The following GPR158 variants were observed in gnomAD, a reference collection of about 807,000 sequenced individuals.
GPR158 encodes metabotropic glycine receptor.
GPR158 carries 30 observed loss-of-function variants against 78.2 expected under a neutral mutation model. That is an observed-to-expected ratio of 0.38 (90% CI 0.29 to 0.52). The LOEUF is 0.52. GPR158 is among the 20% of genes least tolerant of loss of function. GPR158 has a pLI of 0.83. For synonymous variants in GPR158, 581 were observed against 591.1 expected, an observed-to-expected ratio of 0.98 and a Z score of 0.25; for missense variants, 1,463 against 1,523.5, an observed-to-expected ratio of 0.96 and a Z score of 0.66.
intron 7 of GPR158, among the ~76,000 whole-genome samples, chr10:25,583,097 T>G (rs1004550648): frequency 6.6e-6 from 1 of 152,006 alleles, no homozygotes; most frequent in Non-Finnish European, 1.5e-5. Context: ...AGAACGGAGG[T>G]TCTCTGCAGA....
chr10:25,330,577 G>A (rs1194096652), intron 2 of GPR158, among the ~76,000 whole-genome samples: 2 of 152,156 alleles, frequency 1.3e-5, no homozygotes, highest in African/African-American at 4.8e-5. Flanking sequence ...ATGTTTAGAG[G>A]TTATATCTTG....
At chr10:25,367,304 AT>A (rs1004088954) in intron 2 of GPR158, among the ~76,000 whole-genome samples, 1 of 150,770 alleles carries the variant, frequency 6.6e-6, no homozygotes, top group Non-Finnish European at 1.5e-5. Flanking sequence ...GGGTACATGG[AT>A]TTTTTTTTCT....
intron 6 of GPR158, among the ~76,000 whole-genome samples, chr10:25,564,035 GGTTT>G (rs1209633085): frequency 6.6e-6 from 1 of 151,946 alleles, no homozygotes; most frequent in Non-Finnish European, 1.5e-5. Context: ...TTTCCAGGCT[GGTTT>G]GTTAAGTGAC....
chr10:25,285,456 G>A (rs1191286605), intron 2 of GPR158, among the ~76,000 whole-genome samples: 2 of 152,104 alleles, frequency 1.3e-5, no homozygotes, highest in Non-Finnish European at 2.9e-5. Flanking sequence ...AAATTTGAAG[G>A]CCTCAGAACC....
intron 3 of GPR158, among the ~76,000 whole-genome samples, chr10:25,404,515 C>A (rs1834487074): frequency 6.6e-6 from 1 of 152,040 alleles, no homozygotes. Flanking sequence ...ATTCAGTTTT[C>A]AACCTTATGT....
intron 5 of GPR158, among the ~76,000 whole-genome samples, chr10:25,503,536 CT>C (rs1052737465): frequency 6.6e-6 from 1 of 152,060 alleles, no homozygotes; most frequent in Non-Finnish European, 1.5e-5. Flanking sequence ...GAATTTAGCT[CT>C]CTTACTAAAG....
chr10:25,230,039 C>G lies in GPR158; in HGVS notation c.1008+8882C>G, dbSNP rs1288253041. ...GCTTTATGTGGGGCTTTGTGCTTGCCAGAATGTTCATCTATTCTTTGAATA... is the reference window on the plus strand; with the variant it reads ...GCTTTATGTGGGGCTTTGTGCTTGCGAGAATGTTCATCTATTCTTTGAATA... On this transcript the variant is annotated intron_variant, in intron 2 of 10. Coordinates refer to ENST00000376351, the MANE Select transcript of GPR158 (RefSeq NM_020752.3). Among the ~76,000 whole-genome samples the G allele has an allele frequency of 2.0e-5, 3 of 152,094 alleles. No individual in the cohort carries two copies. In the South Asian group the frequency reaches 6.2e-4, roughly 32 times the overall value.
intron 4 of GPR158, among the ~76,000 whole-genome samples, chr10:25,439,403 C>A (rs113785196): frequency 6.6e-6 from 1 of 152,116 alleles, no homozygotes; most frequent in Non-Finnish European, 1.5e-5. Flanking sequence ...TCCCACAATA[C>A]GTGGGAATTA....
At chr10:25,543,245 C>G (rs114142252) in intron 5 of GPR158, among the ~76,000 whole-genome samples, 3,215 of 152,180 alleles carry the variant, frequency 0.021, 48 homozygotes, top group African/African-American at 0.038. Context: ...CTCAGTCCCC[C>G]AAGTAGCTGG....
At chr10:25,566,085 C>T (rs1836925532) in intron 6 of GPR158, among the ~76,000 whole-genome samples, 1 of 152,082 alleles carries the variant, frequency 6.6e-6, no homozygotes, top group South Asian at 2.1e-4. Flanking sequence ...TATAACCCTG[C>T]AGTGGCATGG....
At chr10:25,472,806 T>C (rs1344560105) in intron 5 of GPR158, among the ~76,000 whole-genome samples, 1 of 152,232 alleles carries the variant, frequency 6.6e-6, no homozygotes, top group Non-Finnish European at 1.5e-5. Flanking sequence ...ATTGATTTTG[T>C]ATCCTGAGAC....
chr10:25,591,598 G>T (rs1412316019), intron 8 of GPR158, among the ~76,000 whole-genome samples: 2 of 152,094 alleles, frequency 1.3e-5, no homozygotes, highest in East Asian at 3.8e-4. Context: ...ACAACTGTGT[G>T]GACCTCTATT....
intron 7 of GPR158, among the ~76,000 whole-genome samples, chr10:25,584,450 C>A (rs10508701): frequency 6.6e-6 from 1 of 152,052 alleles, no homozygotes; most frequent in Non-Finnish European, 1.5e-5. Context: ...AATGTTCAAC[C>A]GAGCTGTTAT....
chr10:25,351,949 G>A (rs1855479343), intron 2 of GPR158, among the ~76,000 whole-genome samples: 1 of 151,756 alleles, frequency 6.6e-6, no homozygotes, highest in African/African-American at 2.4e-5. Context: ...CCTCCTGTGT[G>A]TCCATGTGTT....
At chr10:25,254,574 AAGT>A (rs559912382) in intron 2 of GPR158, among the ~76,000 whole-genome samples, 136 of 152,320 alleles carry the variant, frequency 8.9e-4, no homozygotes, top group African/African-American at 3.1e-3. Flanking sequence ...GTTATGAAAT[AAGT>A]AGTAGTGAAA....
chr10:25,280,968 C>CT (rs918749641), intron 2 of GPR158, among the ~76,000 whole-genome samples: 1 of 151,594 alleles, frequency 6.6e-6, no homozygotes, highest in African/African-American at 2.4e-5. Flanking sequence ...AATCCCCTCT[C>CT]TACTAAAAAT....
chr10:25,524,310 C>T (rs148137739), intron 5 of GPR158, among the ~76,000 whole-genome samples: 37 of 152,100 alleles, frequency 2.4e-4, no homozygotes, highest in African/African-American at 7.7e-4. Context: ...TATATGGACA[C>T]GCAAGGGGCC....
At chr10:25,480,810 C>T (rs1835655421) in intron 5 of GPR158, among the ~76,000 whole-genome samples, 1 of 152,166 alleles carries the variant, frequency 6.6e-6, no homozygotes. Flanking sequence ...TTGGGATTGT[C>T]ATGGATGTTT....
intron 4 of GPR158, among the ~76,000 whole-genome samples, chr10:25,416,552 T>G (rs1243767590): frequency 1.3e-5 from 2 of 152,094 alleles, no homozygotes; most frequent in African/African-American, 4.8e-5. Flanking sequence ...ATGAAGTCAT[T>G]AGGGATGTTG....
Sources: allele counts gnomAD v4.1 joint callset (sites outside exome capture counted in the v4.1 genomes callset), GRCh38; gene constraint gnomAD v4.1.1; transcripts MANE v1.5; gene names NCBI Gene and HGNC (gene_info 2026-07-23, HGNC 2026-07-21).